Variants in TNIK observed in about 807,000 individuals in gnomAD.
The protein encoded by TNIK is TRAF2 and NCK-interacting protein kinase.
In TNIK, 49 loss-of-function variants were observed where a neutral mutation model predicts 191.3. The ratio of observed to expected loss-of-function variants is 0.26; its 90% CI spans 0.20 to 0.32. The LOEUF is 0.32. Among genes scored for constraint, TNIK ranks in the 10% least tolerant of loss-of-function variants. The pLI is 1.00. For synonymous variants in TNIK, 594 were observed against 600.9 expected (o/e 0.99, Z 0.17); for missense variants, 1,155 against 1,702.3 (o/e 0.68, Z 5.66).
At chr3:171,287,143 T>G (rs1242683383) in intron 2 of TNIK, among the ~76,000 whole-genome samples, 3 of 152,152 alleles carry the variant, frequency 2.0e-5, no homozygotes, top group Non-Finnish European at 4.4e-5. Flanking sequence ...TTCTGGGTAT[T>G]ATATGCTGCT....
chr3:171,217,989 G>A lies in TNIK; in HGVS notation c.181-6748C>T, dbSNP rs149242290. Among the ~76,000 whole-genome samples the A allele has an allele frequency of 5.8e-4, 88 of 152,220 alleles. 1 individual carries two copies. The East Asian group carries it at 0.017, about 29-fold the overall frequency. Reference sequence around the variant, plus strand: ...TGCCATAAAGAGAAAAATAAAAATTGTCTGCAAAAGACCTGGTAATAATAA... The same window carrying A: ...TGCCATAAAGAGAAAAATAAAAATTATCTGCAAAAGACCTGGTAATAATAA... On this transcript the variant is annotated intron_variant, in intron 3 of 32. Coordinates refer to ENST00000436636, the MANE Select transcript of TNIK (RefSeq NM_015028.4).
intron 23 of TNIK, among the ~76,000 whole-genome samples, chr3:171,090,701 G>A (rs1425273920): frequency 6.6e-6 from 1 of 152,150 alleles, no homozygotes; most frequent in Non-Finnish European, 1.5e-5. Context: ...AGCTTCCATG[G>A]ACAAATGGCA....
rs1454082419 is a variant in TNIK at position 171,157,623 on chromosome 3, T to C, written c.1058A>G (p.Asp353Gly). Residue 353 changes from aspartate (D) to glycine (G), a missense_variant, in exon 12 of 33, where the codon GAC (aspartate) becomes GGC (glycine). Around this residue, in one of 3 missense-constraint regions of TNIK, gnomAD observed 735 missense variants for 848.0 expected, o/e 0.87. Transcript: ENST00000436636. ...NLPGESTLRR[D>G]FLRLQLANKE... ...GTTGGCCAGCTGCAGCCTCAGAAAG[T>C]CCCTCCGCAGCGTCGACTCCCCTGG... 1 of 1,556,660 alleles carries C rather than the reference T, an allele frequency of 6.4e-7. No homozygotes were observed. Among genetic ancestry groups the C allele is most frequent in the Admixed American group, 1.9e-5 (1 of 51,588 alleles).
chr3:171,369,004 A>G (rs1559984337), intron 2 of TNIK, among the ~76,000 whole-genome samples: 1 of 151,704 alleles, frequency 6.6e-6, no homozygotes, highest in Non-Finnish European at 1.5e-5. Context: ...TTTTTCGTAG[A>G]TTATACTTGG....
chr3:171,196,029 C>A (rs930545331), intron 4 of TNIK, among the ~76,000 whole-genome samples: 2 of 152,114 alleles, frequency 1.3e-5, no homozygotes, highest in Non-Finnish European at 2.9e-5. Flanking sequence ...TAATTAAATG[C>A]CTTAACAAGG....
At chr3:171,191,596 C>T (rs1053869365) in intron 5 of TNIK, among the ~76,000 whole-genome samples, 10 of 152,190 alleles carry the variant, frequency 6.6e-5, no homozygotes, top group African/African-American at 2.4e-4. Flanking sequence ...CAAGAAATTT[C>T]CCATTGGCTT....
intron 2 of TNIK, among the ~76,000 whole-genome samples, chr3:171,323,715 A>ATG (rs1266489086): frequency 2.6e-4 from 40 of 152,298 alleles, no homozygotes; most frequent in African/African-American, 7.7e-4. Context: ...ATTCTTTAAA[A>ATG]ATAAACAGTG....
chr3:171,196,976 C>T (rs1046651067), intron 4 of TNIK, among the ~76,000 whole-genome samples: 40 of 152,218 alleles, frequency 2.6e-4, no homozygotes, highest in African/African-American at 8.9e-4. Context: ...GGGATGGTCT[C>T]GATCTCCTGA....
At chr3:171,128,025 C>T (rs899801146) in intron 16 of TNIK, among the ~76,000 whole-genome samples, 2 of 152,088 alleles carry the variant, frequency 1.3e-5, no homozygotes, top group Non-Finnish European at 2.9e-5. Context: ...TTCCAGAAAC[C>T]CCCTCCTTTC....
intron 25 of TNIK, 41 bp from the exon 26 acceptor site, chr3:171,084,366 A>G (rs767002117): frequency 6.3e-7 from 1 of 1,591,956 alleles, no homozygotes; most frequent in African/African-American, 1.3e-5. Context: ...ACATCTTAAA[A>G]GATAACTTAT....
chr3:171,182,495 C>T (rs1247966648), intron 7 of TNIK, among the ~76,000 whole-genome samples: 2 of 152,100 alleles, frequency 1.3e-5, no homozygotes, highest in African/African-American at 4.8e-5. Context: ...CATGGTGTGA[C>T]TCATTTTGGC....
At chr3:171,325,949 C>A (rs141894852) in intron 2 of TNIK, among the ~76,000 whole-genome samples, 1 of 152,158 alleles carries the variant, frequency 6.6e-6, no homozygotes, top group African/African-American at 2.4e-5. Context: ...CCACTCTTCT[C>A]GAGCCTCATC....
intron 12 of TNIK, among the ~76,000 whole-genome samples, chr3:171,144,756 C>T (rs1041882312): frequency 6.6e-6 from 1 of 152,190 alleles, no homozygotes; most frequent in African/African-American, 2.4e-5. Context: ...ATTGACCAGT[C>T]TCTCACCACT....
At chr3:171,170,801 A>G (rs1438152964) in intron 9 of TNIK, among the ~76,000 whole-genome samples, 2 of 152,210 alleles carry the variant, frequency 1.3e-5, no homozygotes, top group African/African-American at 4.8e-5. Context: ...CTATAATCCC[A>G]GTGCTTTGGG....
intron 2 of TNIK, among the ~76,000 whole-genome samples, chr3:171,250,586 A>G (rs1746114481): frequency 1.3e-5 from 2 of 152,150 alleles, no homozygotes; most frequent in South Asian, 4.1e-4. Flanking sequence ...AAAAGTAGGA[A>G]CTCCAACTCC....
intron 28 of TNIK, among the ~76,000 whole-genome samples, chr3:171,076,973 G>C (rs1449699090): frequency 6.6e-6 from 1 of 150,474 alleles, no homozygotes; most frequent in Admixed American, 6.6e-5. Flanking sequence ...AAATATAGCT[G>C]TATTTTAAAT....
rs142832337 is a variant in TNIK at position 171,074,141 on chromosome 3, T to C, written c.3449-2818A>G. ...AGTTGTCCATCAATGGTTGATTAGA[T>C]AAAGAAACTGTTGTATATATACAGC... On this transcript the variant is annotated intron_variant, in intron 28 of 32. Transcript: ENST00000436636. Among the ~76,000 whole-genome samples the C allele has an allele frequency of 7.6e-3, 1,148 of 151,858 alleles. 15 individuals carry two copies. The highest frequency in any genetic ancestry group is 0.026 in the African/African-American group (1,073 of 41,384).
At chr3:171,320,491 C>T (rs570533657) in intron 2 of TNIK, among the ~76,000 whole-genome samples, 10 of 152,156 alleles carry the variant, frequency 6.6e-5, no homozygotes, top group Non-Finnish European at 1.5e-4. Context: ...TTTTATGACA[C>T]TTAAAGGGAA....
At chr3:171,146,665 G>A (rs923704742) in intron 12 of TNIK, among the ~76,000 whole-genome samples, 18 of 152,192 alleles carry the variant, frequency 1.2e-4, no homozygotes, top group Admixed American at 3.9e-4. Context: ...CAAGGCGAGC[G>A]GATCACCTGA....
Sources: allele counts gnomAD v4.1 joint callset (sites outside exome capture counted in the v4.1 genomes callset), GRCh38; gene constraint gnomAD v4.1.1; regional missense constraint gnomAD v4.1.1; transcripts MANE v1.5; gene names NCBI Gene and HGNC (gene_info 2026-07-23, HGNC 2026-07-21).